HIBCH: variants seen among roughly 807,000 people sequenced by gnomAD.
HIBCH encodes the protein 3-hydroxyisobutyryl-CoA hydrolase, also known as 3-hydroxyisobutyryl-CoA hydrolase, mitochondrial.
In HIBCH, 50 loss-of-function variants were observed where a neutral mutation model predicts 58.2. The observed-to-expected ratio is 0.86, with a 90% confidence interval of 0.68 to 1.09. The LOEUF is 1.09. HIBCH is among the 50% of genes least tolerant of loss of function. The pLI is 0.00. For synonymous variants in HIBCH, 151 were observed against 146.9 expected, an observed-to-expected ratio of 1.03 and a Z score of -0.20; for missense variants, 450 against 449.7, an observed-to-expected ratio of 1.00 and a Z score of -0.01.
At chr2:190,297,345 G>C (rs1688130350) in intron 2 of HIBCH, among the ~76,000 whole-genome samples, 1 of 152,178 alleles carries the variant, frequency 6.6e-6, no homozygotes, top group African/African-American at 2.4e-5. Context: ...TGGTCAACTT[G>C]AAAACAAAGA....
At chr2:190,205,293 C>T in intron 13 of HIBCH, 61 bp from the exon 14 acceptor site, 1 of 950,760 alleles carries the variant, frequency 1.1e-6, no homozygotes, top group South Asian at 1.4e-5. Context: ...CTAGATTTTA[C>T]TTACTGAATT....
Position 190,261,247 on chromosome 2 carries a change from G to C in HIBCH, c.439-13C>G. On this transcript the variant is annotated splice_polypyrimidine_tract_variant and intron_variant, in intron 6 of 13. Coordinates refer to ENST00000359678, the MANE Select transcript of HIBCH (RefSeq NM_014362.4). The stretch of plus-strand genomic sequence containing the variant: ...AGAGACCAACTCCCTAGAGAAAAAA[G>C]GCAAAAAAAGAGGCGGGGGGGAATT... 1 of 1,594,984 alleles carries C rather than the reference G, an allele frequency of 6.3e-7. No individual in the cohort carries two copies. Among genetic ancestry groups the C allele is most frequent in the Non-Finnish European group, 8.6e-7 (1 of 1,164,154 alleles).
chr2:190,284,225 A>C (rs1201009826), intron 6 of HIBCH, among the ~76,000 whole-genome samples: 1 of 152,244 alleles, frequency 6.6e-6, no homozygotes, highest in African/African-American at 2.4e-5. Flanking sequence ...GATCTGTTTC[A>C]CTGCAGTCTT....
chr2:190,319,380 G>A (rs1688788659), intron 1 of HIBCH, among the ~76,000 whole-genome samples: 1 of 152,178 alleles, frequency 6.6e-6, no homozygotes, highest in Admixed American at 6.5e-5. Context: ...GCACAGTTCC[G>A]CTAAGCTAAA....
chr2:190,307,479 C>G (rs1386227750), intron 2 of HIBCH, among the ~76,000 whole-genome samples: 2 of 152,068 alleles, frequency 1.3e-5, no homozygotes, highest in East Asian at 3.9e-4. Flanking sequence ...CGAGGCCAGT[C>G]TGGGCAACAC....
downstream of HIBCH, chr2:190,200,467 C>T (rs941420051): frequency 2.7e-5 from 6 of 222,122 alleles, no homozygotes; most frequent in Non-Finnish European, 5.9e-5. Context: ...ATAAAAACTG[C>T]CCCAAATTCC....
At position 190,206,473 on chromosome 2, in the gene HIBCH, A is replaced by T. The variant is rs1690394146; in HGVS notation, c.1046-1241T>A. On this transcript the variant is annotated intron_variant, in intron 13 of 13. Coordinates refer to ENST00000359678, the MANE Select transcript of HIBCH (RefSeq NM_014362.4). This position sits in a 1 kb window ranked among gnomAD's most constrained non-coding sequence, Gnocchi z 5.1. ...AAAGAGACTATTAATCAAATTTGTT[A>T]TTTTATTTCAAGCTAACAATTTTTT... Among the ~76,000 whole-genome samples the T allele has an allele frequency of 6.6e-6, 1 of 152,154 alleles. No individual in the cohort carries two copies. The highest frequency in any genetic ancestry group is 1.5e-5 in the Non-Finnish European group (1 of 68,004).
At chr2:190,224,618 C>T (rs565198399) in intron 11 of HIBCH, among the ~76,000 whole-genome samples, 43 of 152,222 alleles carry the variant, frequency 2.8e-4, no homozygotes, top group African/African-American at 9.6e-4. Context: ...AATACAGGAG[C>T]ACCCAGATTA....
chr2:190,278,351 C>A (rs572298947), intron 6 of HIBCH, among the ~76,000 whole-genome samples: 2 of 152,174 alleles, frequency 1.3e-5, no homozygotes, highest in East Asian at 3.9e-4. Context: ...ATTACAGGCC[C>A]CCGCCACCAC....
At chr2:190,276,969 A>G (rs943838458) in intron 6 of HIBCH, among the ~76,000 whole-genome samples, 3 of 152,220 alleles carry the variant, frequency 2.0e-5, no homozygotes, top group African/African-American at 4.8e-5. Flanking sequence ...TTATGTTGAG[A>G]AAAAAAGTTA....
intron 11 of HIBCH, among the ~76,000 whole-genome samples, chr2:190,224,268 G>C (rs1685821793): frequency 6.6e-6 from 1 of 152,172 alleles, no homozygotes; most frequent in South Asian, 2.1e-4. Context: ...AGCTTGAACT[G>C]GGTGGAGCCC....
intron 1 of HIBCH, among the ~76,000 whole-genome samples, chr2:190,195,479 CT>C (rs1689926569): frequency 6.6e-6 from 1 of 152,160 alleles, no homozygotes; most frequent in South Asian, 2.1e-4. Flanking sequence ...CATTATCTCA[CT>C]GTTTAAATTT....
chr2:190,226,669 T>C (rs564061097), intron 11 of HIBCH, among the ~76,000 whole-genome samples: 10 of 151,468 alleles, frequency 6.6e-5, no homozygotes, highest in South Asian at 4.2e-4. Flanking sequence ...GATTGTATAT[T>C]TAGAAAACCC....
At position 190,205,214 on chromosome 2, in the gene HIBCH, T is replaced by G. The variant is rs751032090; in HGVS notation, c.1064A>C (p.Gln355Pro). The G allele has an allele frequency of 6.3e-7, 1 of 1,586,820 alleles. No individual in the cohort carries two copies. The highest frequency in any genetic ancestry group is 2.2e-5 in the East Asian group (1 of 44,708). The change falls in exon 14 of 14, where the codon CAG (glutamine) becomes CCG (proline). Residue 355 changes from glutamine to proline, a missense_variant. Gln to Pro is a moderately conservative substitution (Grantham distance 76). Transcript: ENST00000359678. ...ATCAGCTGGTTTCCATTTTGGACTC[T>G]GGTCTTTATCAATTAAAACTGTCAA... ...GVRAVLIDKD[Q>P]SPKWKPADLK...
chr2:190,295,577 C>T (rs1475785241), intron 3 of HIBCH, among the ~76,000 whole-genome samples: 1 of 152,146 alleles, frequency 6.6e-6, no homozygotes, highest in Non-Finnish European at 1.5e-5. Flanking sequence ...TCAACCTGTA[C>T]TAGAGAATAA....
intron 6 of HIBCH, among the ~76,000 whole-genome samples, chr2:190,286,084 T>C (rs1203533802): frequency 6.6e-6 from 1 of 151,964 alleles, no homozygotes. Context: ...TCAAGCGATT[T>C]ACCCACCTCA....
At chr2:190,318,678 C>CT (rs2124884726) in intron 1 of HIBCH, among the ~76,000 whole-genome samples, 1 of 152,302 alleles carries the variant, frequency 6.6e-6, no homozygotes, top group East Asian at 1.9e-4. Flanking sequence ...ACAAACATGT[C>CT]TTTCCAGTTT....
At chr2:190,233,280 G>A (rs888200976) in intron 11 of HIBCH, among the ~76,000 whole-genome samples, 1 of 151,930 alleles carries the variant, frequency 6.6e-6, no homozygotes. Context: ...AGAGAGAAAA[G>A]GCAAGTCACA....
intron 11 of HIBCH, among the ~76,000 whole-genome samples, chr2:190,218,328 T>C (rs562604386): frequency 3.3e-5 from 5 of 152,294 alleles, no homozygotes; most frequent in African/African-American, 7.2e-5. Context: ...AAGGGCCCCA[T>C]GCTACCTAAC....
Sources: gnomAD v4.1 joint callset for allele counts (sites outside exome capture counted in the v4.1 genomes callset) on GRCh38, gnomAD v4.1.1 for gene constraint, Gnocchi (gnomAD v3.1) non-coding constraint, MANE v1.5 for transcripts, NCBI Gene and HGNC (gene_info 2026-07-23, HGNC 2026-07-21) for gene names.